Variants in KCNB2 observed in about 807,000 individuals in gnomAD.
The protein encoded by KCNB2 is delayed rectifier potassium channel protein.
In KCNB2, 15 loss-of-function variants were observed where a neutral mutation model predicts 61.5. The ratio of observed to expected loss-of-function variants is 0.24; its 90% confidence interval spans 0.16 to 0.38. KCNB2 has a LOEUF of 0.38. KCNB2 is among the 10% of genes least tolerant of loss of function. The pLI is 1.00. For synonymous variants in KCNB2, 457 were observed against 446.0 expected (o/e 1.02, Z -0.31); for missense variants, 828 against 1,125.2 (o/e 0.74, Z 3.78).
At chr8:72,906,579 C>T (rs1445815238) in intron 2 of KCNB2, among the ~76,000 whole-genome samples, 1 of 152,132 alleles carries the variant, frequency 6.6e-6, no homozygotes, top group Non-Finnish European at 1.5e-5. Flanking sequence ...CATTTCCTCT[C>T]TTAGAGTAGA....
At chr8:72,783,228 G>C (rs1162887991) in intron 2 of KCNB2, among the ~76,000 whole-genome samples, 2 of 152,036 alleles carry the variant, frequency 1.3e-5, no homozygotes, top group Non-Finnish European at 2.9e-5. Flanking sequence ...CCCCTTCCCT[G>C]TAATTTATTC....
chr8:72,759,003 T>C (rs968783994), intron 2 of KCNB2, among the ~76,000 whole-genome samples: 1 of 152,208 alleles, frequency 6.6e-6, no homozygotes, highest in African/African-American at 2.4e-5. Context: ...CATGCCAATA[T>C]TTTATAAGAA....
intron 2 of KCNB2, among the ~76,000 whole-genome samples, chr8:72,661,806 T>C (rs1277533941): frequency 2.0e-5 from 3 of 152,236 alleles, no homozygotes; most frequent in Non-Finnish European, 4.4e-5. Flanking sequence ...ATTCTAAATG[T>C]TTAGATTTCT....
At chr8:72,895,145 GTCCATA>G (rs1457136817) in intron 2 of KCNB2, among the ~76,000 whole-genome samples, 3 of 152,158 alleles carry the variant, frequency 2.0e-5, no homozygotes, top group Admixed American at 6.5e-5. Context: ...CCCTAAAGAT[GTCCATA>G]TCCTAATTCC....
At chr8:72,680,023 G>A (rs1362949241) in intron 2 of KCNB2, among the ~76,000 whole-genome samples, 1 of 152,170 alleles carries the variant, frequency 6.6e-6, no homozygotes, top group Non-Finnish European at 1.5e-5. Flanking sequence ...CATCCTGAAG[G>A]TTCACATTAT....
At chr8:72,757,109 C>T (rs757600983) in intron 2 of KCNB2, among the ~76,000 whole-genome samples, 3 of 151,934 alleles carry the variant, frequency 2.0e-5, no homozygotes, top group Non-Finnish European at 4.4e-5. Flanking sequence ...CCTTGGGGAG[C>T]GCCAATGTGC....
intron 2 of KCNB2, among the ~76,000 whole-genome samples, chr8:72,919,595 AGGCAT>A (rs1806467350): frequency 2.0e-5 from 3 of 152,188 alleles, no homozygotes; most frequent in South Asian, 4.1e-4. Flanking sequence ...ACAGGAAATA[AGGCAT>A]GGCCACAGGC....
intron 2 of KCNB2, among the ~76,000 whole-genome samples, chr8:72,627,650 A>G (rs185604827): frequency 6.6e-6 from 1 of 152,330 alleles, no homozygotes; most frequent in African/African-American, 2.4e-5. Flanking sequence ...AATTGCACAC[A>G]GGCTCACACC....
chr8:72,553,204 A>G (rs1458771919), intron 1 of KCNB2, among the ~76,000 whole-genome samples: 2 of 152,190 alleles, frequency 1.3e-5, no homozygotes, highest in South Asian at 2.1e-4. Context: ...TTCAATATCA[A>G]TATATGAAGA....
intron 2 of KCNB2, among the ~76,000 whole-genome samples, chr8:72,927,009 G>A (rs73687025): frequency 2.6e-5 from 4 of 152,182 alleles, no homozygotes; most frequent in Non-Finnish European, 5.9e-5. Flanking sequence ...TGGAGAACTT[G>A]TTAAAACACA....
intron 2 of KCNB2, among the ~76,000 whole-genome samples, chr8:72,627,375 A>G (rs1186947235): frequency 6.6e-6 from 1 of 152,212 alleles, no homozygotes; most frequent in Non-Finnish European, 1.5e-5. Context: ...TTTCTGTATA[A>G]CTAATCATAT....
At position 72,537,633 on chromosome 8, in the gene KCNB2, C is replaced by G. The variant is rs775256381; in HGVS notation, c.-346C>G. 8 of 152,460 alleles carry G rather than the reference C, an allele frequency of 5.2e-5. No homozygotes were observed. Among genetic ancestry groups the G allele is most frequent in the Non-Finnish European group, 1.0e-4 (7 of 68,272 alleles). The allele number at this position is 152,460 out of a possible 1,614,324, so 9.4% of individuals were successfully genotyped here. ...GGATGCCTTAGCTTCCTCCCGCCGCCTTTCCTCTGAGCCTTCCTACTAGAG... is the reference window on the plus strand; with the variant it reads ...GGATGCCTTAGCTTCCTCCCGCCGCGTTTCCTCTGAGCCTTCCTACTAGAG... On this transcript the variant is annotated 5_prime_UTR_variant, in exon 1 of 3. Transcript: ENST00000523207.
chr8:72,852,819 C>A (rs984682238), intron 2 of KCNB2, among the ~76,000 whole-genome samples: 2 of 152,184 alleles, frequency 1.3e-5, no homozygotes, highest in Admixed American at 1.3e-4. Context: ...GTGGATTTTT[C>A]ACTTCTGGAT....
At chr8:72,639,138 A>C (rs939775324) in intron 2 of KCNB2, among the ~76,000 whole-genome samples, 1 of 152,168 alleles carries the variant, frequency 6.6e-6, no homozygotes, top group African/African-American at 2.4e-5. Flanking sequence ...TTTGATAATA[A>C]AGGAAGCTAG....
intron 2 of KCNB2, among the ~76,000 whole-genome samples, chr8:72,828,966 C>A (rs887515397): frequency 6.6e-6 from 1 of 152,100 alleles, no homozygotes; most frequent in African/African-American, 2.4e-5. Flanking sequence ...TTATGATCTC[C>A]AGATTAACGT....
At chr8:72,918,452 A>G (rs549155379) in intron 2 of KCNB2, among the ~76,000 whole-genome samples, 36 of 152,346 alleles carry the variant, frequency 2.4e-4, no homozygotes, top group Admixed American at 6.5e-4. Flanking sequence ...AGAAAATAAG[A>G]TAAAGAAAGC....
chr8:72,763,413 A>G (rs548606403), intron 2 of KCNB2, among the ~76,000 whole-genome samples: 1 of 152,196 alleles, frequency 6.6e-6, no homozygotes, highest in African/African-American at 2.4e-5. Flanking sequence ...CTCTGGCTAC[A>G]TGTTGACAGA....
At chr8:72,748,453 A>G (rs955631855) in intron 2 of KCNB2, among the ~76,000 whole-genome samples, 5 of 152,182 alleles carry the variant, frequency 3.3e-5, no homozygotes, top group Non-Finnish European at 7.4e-5. Flanking sequence ...GAATTTTGTC[A>G]TGATAAATCT....
intron 2 of KCNB2, among the ~76,000 whole-genome samples, chr8:72,741,488 G>A (rs963050756): frequency 7.2e-5 from 11 of 152,146 alleles, no homozygotes; most frequent in African/African-American, 2.7e-4. Flanking sequence ...TTCTTTAGGT[G>A]TTATTTCTAA....
Sources: allele counts gnomAD v4.1 joint callset (sites outside exome capture counted in the v4.1 genomes callset), GRCh38; gene constraint gnomAD v4.1.1; transcripts MANE v1.5; gene names NCBI Gene and HGNC (gene_info 2026-07-23, HGNC 2026-07-21).